Variants in FBXL17 observed in about 807,000 individuals in gnomAD.
FBXL17 encodes F-box/LRR-repeat protein 17.
Under a neutral mutation model 66.2 loss-of-function variants are expected in FBXL17, and 22 were observed. That is an observed-to-expected ratio of 0.33 (90% CI 0.24 to 0.47). The LOEUF is 0.47. FBXL17 is among the 20% of genes least tolerant of loss of function. FBXL17 has a pLI of 1.00. For synonymous variants in FBXL17, 474 were observed against 400.5 expected, an observed-to-expected ratio of 1.18 and a Z score of -2.19; for missense variants, 878 against 948.2, an observed-to-expected ratio of 0.93 and a Z score of 0.97.
intron 4 of FBXL17, among the ~76,000 whole-genome samples, chr5:108,276,579 T>C (rs981929607): frequency 3.3e-5 from 5 of 152,134 alleles, no homozygotes; most frequent in African/African-American, 1.2e-4. Flanking sequence ...TAATGATCTC[T>C]GACAAGCTAC....
intron 3 of FBXL17, among the ~76,000 whole-genome samples, chr5:108,353,485 C>G (rs955258408): frequency 6.6e-6 from 1 of 152,108 alleles, no homozygotes; most frequent in African/African-American, 2.4e-5. Flanking sequence ...CAGGTCTTCA[C>G]GGAGAATACT....
intron 7 of FBXL17, among the ~76,000 whole-genome samples, chr5:107,941,446 A>T (rs998249313): frequency 1.3e-5 from 2 of 152,206 alleles, no homozygotes; most frequent in African/African-American, 4.8e-5. Flanking sequence ...TGCAACAGTG[A>T]GTTATTCCAA....
At chr5:108,000,361 G>A (rs1169881533) in intron 7 of FBXL17, among the ~76,000 whole-genome samples, 1 of 152,196 alleles carries the variant, frequency 6.6e-6, no homozygotes, top group African/African-American at 2.4e-5. Flanking sequence ...TATGCAGGGA[G>A]AAGATGAAGA....
At chr5:107,913,087 T>C (rs901104968) in intron 7 of FBXL17, among the ~76,000 whole-genome samples, 1 of 149,722 alleles carries the variant, frequency 6.7e-6, no homozygotes, top group Non-Finnish European at 1.5e-5. Context: ...TTAACAATGA[T>C]TAGCTTTTTA....
At chr5:107,863,896 G>A (rs2112478960) in intron 8 of FBXL17, among the ~76,000 whole-genome samples, 1 of 152,278 alleles carries the variant, frequency 6.6e-6, no homozygotes, top group African/African-American at 2.4e-5. Flanking sequence ...CACCATGGCA[G>A]GCACCCTGCA....
intron 8 of FBXL17, among the ~76,000 whole-genome samples, chr5:107,863,044 G>A (rs1561509177): frequency 6.6e-6 from 1 of 151,402 alleles, no homozygotes; most frequent in Non-Finnish European, 1.5e-5. Flanking sequence ...GCGTTTAAGT[G>A]AACTTTTATT....
At chr5:108,168,785 T>C (rs963379371) in intron 6 of FBXL17, among the ~76,000 whole-genome samples, 1 of 152,144 alleles carries the variant, frequency 6.6e-6, no homozygotes, top group Admixed American at 6.5e-5. Context: ...AAATTCTAAA[T>C]GCTTTACCAA....
At chr5:108,275,137 C>T (rs1159056339) in intron 4 of FBXL17, among the ~76,000 whole-genome samples, 2 of 152,146 alleles carry the variant, frequency 1.3e-5, no homozygotes, top group Non-Finnish European at 2.9e-5. Context: ...TATAAGATTA[C>T]TTATAATGAA....
intron 6 of FBXL17, among the ~76,000 whole-genome samples, chr5:108,076,271 A>G (rs998756161): frequency 1.3e-5 from 2 of 152,188 alleles, no homozygotes; most frequent in Admixed American, 6.5e-5. Context: ...CCCAGGCCCT[A>G]TCTTCCCTGG....
intron 6 of FBXL17, among the ~76,000 whole-genome samples, chr5:108,072,442 G>A (rs991913876): frequency 6.6e-6 from 1 of 152,304 alleles, no homozygotes; most frequent in Non-Finnish European, 1.5e-5. Context: ...GCAGGCTCAC[G>A]CCTGTAATCC....
At chr5:108,233,345 T>C (rs1755456334) in intron 4 of FBXL17, among the ~76,000 whole-genome samples, 2 of 152,282 alleles carry the variant, frequency 1.3e-5, no homozygotes, top group South Asian at 4.1e-4. Flanking sequence ...CACCATTTGT[T>C]GAAAAGACGA....
intron 7 of FBXL17, among the ~76,000 whole-genome samples, chr5:107,931,421 G>T (rs1750735062): frequency 6.6e-6 from 1 of 151,718 alleles, no homozygotes; most frequent in African/African-American, 2.4e-5. Context: ...CACCACGCCT[G>T]GCTAATTTTT....
chr5:108,309,309 C>T (rs1283817078), intron 4 of FBXL17, among the ~76,000 whole-genome samples: 1 of 151,808 alleles, frequency 6.6e-6, no homozygotes, highest in Non-Finnish European at 1.5e-5. Context: ...ATTAACAAGT[C>T]TGAAATGAAA....
chr5:108,074,581 A>C (rs186549660), intron 6 of FBXL17, among the ~76,000 whole-genome samples: 1 of 152,260 alleles, frequency 6.6e-6, no homozygotes, highest in Non-Finnish European at 1.5e-5. Flanking sequence ...TACACATGAA[A>C]GGATCTACAG....
chr5:108,276,819 G>C, intron 4 of FBXL17, among the ~76,000 whole-genome samples: 1 of 152,024 alleles, frequency 6.6e-6, no homozygotes. Context: ...ATGATGTATG[G>C]GTGGTTATTT....
intron 6 of FBXL17, among the ~76,000 whole-genome samples, chr5:108,023,042 A>C (rs1313175755): frequency 6.6e-6 from 1 of 152,168 alleles, no homozygotes; most frequent in Non-Finnish European, 1.5e-5. Context: ...AAGAGTGAGC[A>C]GTGTCTTTCA....
chr5:108,226,666 C>T (rs1755114236), intron 4 of FBXL17, among the ~76,000 whole-genome samples: 1 of 152,130 alleles, frequency 6.6e-6, no homozygotes, highest in African/African-American at 2.4e-5. Context: ...ATATTAACAG[C>T]TCAATCAGTA....
At chr5:108,188,148 T>C (rs999130297) in intron 5 of FBXL17, among the ~76,000 whole-genome samples, 2 of 151,788 alleles carry the variant, frequency 1.3e-5, no homozygotes, top group Non-Finnish European at 1.5e-5. Context: ...AGGAGGTAAA[T>C]TGCCAGGCAG....
intron 6 of FBXL17, among the ~76,000 whole-genome samples, chr5:108,156,896 A>G (rs1752017012): frequency 6.6e-6 from 1 of 152,002 alleles, no homozygotes; most frequent in South Asian, 2.1e-4. Context: ...AGAAAAATTA[A>G]AACAATTAAA....
Sources: allele counts gnomAD v4.1 joint callset (sites outside exome capture counted in the v4.1 genomes callset), GRCh38; gene constraint gnomAD v4.1.1; transcripts MANE v1.5; gene names NCBI Gene and HGNC (gene_info 2026-07-23, HGNC 2026-07-21).